Variants in CHRNA4 observed in about 807,000 individuals in gnomAD.
CHRNA4 encodes cholinergic receptor nicotinic alpha 4 subunit.
In CHRNA4, 28 loss-of-function variants were observed where a neutral mutation model predicts 48.9. The observed-to-expected ratio is 0.57, with a 90% CI of 0.42 to 0.79. The LOEUF (loss-of-function observed/expected upper bound fraction) is 0.79. CHRNA4 is among the 30% of genes least tolerant of loss of function. The pLI is 0.00. For synonymous variants in CHRNA4, 425 were observed against 402.3 expected, an observed-to-expected ratio of 1.06 and a Z score of -0.68; for missense variants, 859 against 898.4, an observed-to-expected ratio of 0.96 and a Z score of 0.56.
In CHRNA4 at chr20:63,348,163, G is replaced by A. The variant is rs114713317; in HGVS notation, c.1759-1300C>T. ...CCCCACAAGCCCAGAACCAGGTCAG[G>A]CAGCGGCAGCAATCGGCCCGAGAAG... On this transcript the variant is annotated intron_variant, in intron 5 of 5. Coordinates refer to ENST00000370263, the MANE Select transcript of CHRNA4 (RefSeq NM_000744.7). Among the ~76,000 whole-genome samples the A allele has an allele frequency of 6.1e-3, 922 of 152,320 alleles. 15 individuals are homozygous for A. The highest frequency in any genetic ancestry group is 0.021 in the African/African-American group (892 of 41,566).
chr20:63,351,329 CG>C (rs1568812316), intron 4 of CHRNA4, among the ~76,000 whole-genome samples: 1 of 152,228 alleles, frequency 6.6e-6, no homozygotes, highest in Non-Finnish European at 1.5e-5. Flanking sequence ...GTACACTGTT[CG>C]TCTTCTCACC....
At position 63,346,594 on chromosome 20, in the gene CHRNA4, C is replaced by G. The variant is rs199879109; in HGVS notation, c.*144G>C. 239 of 1,197,274 alleles carry G rather than the reference C, an allele frequency of 2.0e-4. No individual in the cohort carries two copies. The African/African-American group carries it at 2.9e-3, about 15-fold the overall frequency. The allele number at this position is 1,197,274 out of a possible 1,614,324, so 74.2% of individuals were successfully genotyped here. A position where few individuals can be genotyped will look rare whatever the true frequency, so the allele number is the denominator to read the frequency against. On this transcript the variant is annotated 3_prime_UTR_variant, in exon 6 of 6. Coordinates refer to ENST00000370263, the MANE Select transcript of CHRNA4 (RefSeq NM_000744.7). ...CGTGTCCCCGTCCAAGGCCGTCTTACAGCAGACACAGAACAGGAAGGAAAA... is the reference window on the plus strand; with the variant it reads ...CGTGTCCCCGTCCAAGGCCGTCTTAGAGCAGACACAGAACAGGAAGGAAAA...
At chr20:63,359,481 C>A in intron 2 of CHRNA4, 67 bp downstream of exon 2, 1 of 1,602,552 alleles carries the variant, frequency 6.2e-7, no homozygotes. Flanking sequence ...CCTCTGCCCA[C>A]CCAGACCCCT....
In CHRNA4 at chr20:63,361,240, A is replaced by C. The variant is rs781684320; in HGVS notation, c.-75T>G. 2 of 1,430,756 alleles carry C rather than the reference A, an allele frequency of 1.4e-6. No individual in the cohort carries two copies. The highest frequency in any genetic ancestry group is 1.8e-6 in the Non-Finnish European group (2 of 1,095,778). The allele number at this position is 1,430,756 out of a possible 1,614,324, so 88.6% of individuals were successfully genotyped here. A position where few individuals can be genotyped will look rare whatever the true frequency, so the allele number is the denominator to read the frequency against. The stretch of plus-strand genomic sequence containing the variant: ...CCGCTTCGAGGCCCGTGCGCGCCCA[A>C]CTTCATGCCTCCCGCGCCTCGCGGG... On this transcript the variant is annotated 5_prime_UTR_variant, in exon 1 of 6. Transcript: ENST00000370263.
chr20:63,360,676 G>A (rs2068804190), intron 1 of CHRNA4, among the ~76,000 whole-genome samples: 1 of 152,192 alleles, frequency 6.6e-6, no homozygotes, highest in Admixed American at 6.5e-5. Flanking sequence ...AAGGTGGGTG[G>A]CGGCCGCCAA....
In CHRNA4 at chr20:63,361,282, G is replaced by A. The variant is rs1394626080; in HGVS notation, c.-117C>T. The A allele has an allele frequency of 7.3e-7, 1 of 1,369,002 alleles. No homozygotes were observed. The highest frequency in any genetic ancestry group is 9.4e-7 in the Non-Finnish European group (1 of 1,062,192). 84.8% of individuals were successfully genotyped at this position (1,369,002 alleles called of 1,614,324 possible). ...CCTCGCGGGCCGCTTCGGCCGCCGGGCCCGGTTCGTCTTCTCCTGTGGGGC... is the reference window on the plus strand; with the variant it reads ...CCTCGCGGGCCGCTTCGGCCGCCGGACCCGGTTCGTCTTCTCCTGTGGGGC... On this transcript the variant is annotated 5_prime_UTR_variant, in exon 1 of 6. Transcript: ENST00000370263.
Position 63,356,366 on chromosome 20 carries a change from C to G in CHRNA4, c.273+5G>C. 1 of 1,588,204 alleles carries G rather than the reference C, an allele frequency of 6.3e-7. No homozygotes were observed. Among genetic ancestry groups the G allele is most frequent in the Non-Finnish European group, 8.6e-7 (1 of 1,167,574 alleles). Reference sequence around the variant, plus strand: ...GGTGGGGCAGGGCAGTGCCCTCCCACTCACCTGCTTCACCCATACGTTCGT... The same window carrying G: ...GGTGGGGCAGGGCAGTGCCCTCCCAGTCACCTGCTTCACCCATACGTTCGT... On this transcript the variant is annotated splice_donor_5th_base_variant and intron_variant, in intron 3 of 5. Transcript: ENST00000370263.
chr20:63,352,625 A>AC (rs2068632653), intron 4 of CHRNA4, among the ~76,000 whole-genome samples: 1 of 152,020 alleles, frequency 6.6e-6, no homozygotes, highest in African/African-American at 2.4e-5. Context: ...CTCTCCAAAA[A>AC]CCAACGCCCT....
intron 2 of CHRNA4, 44 bp downstream of exon 2, chr20:63,359,504 G>T: frequency 6.2e-7 from 1 of 1,611,256 alleles, no homozygotes; most frequent in South Asian, 1.1e-5. Context: ...GCTCCTTGCA[G>T]GGCGACCTCA....
rs1941468875 is a variant in CHRNA4 at position 63,356,715 on chromosome 20, T to A, written c.229-300A>T. Reference sequence around the variant, plus strand: ...ACAGGTGTGGCGGGCATGGGGAGCCTCCTTCTGCCCACCTGCCTTGCTCCC... The same window carrying A: ...ACAGGTGTGGCGGGCATGGGGAGCCACCTTCTGCCCACCTGCCTTGCTCCC... On this transcript the variant is annotated intron_variant, in intron 2 of 5. Transcript: ENST00000370263. 5.9e-6 allele frequency: 3 copies of A among 512,118 alleles called. No homozygotes were observed. In the Admixed American group the frequency reaches 9.7e-5, roughly 17 times the overall value. The allele number at this position is 512,118 out of a possible 1,614,324, so 31.7% of individuals were successfully genotyped here.
Position 63,344,255 on chromosome 20 carries a change from C to T in CHRNA4, c.*2483G>A, listed in dbSNP as rs201866103. The stretch of plus-strand genomic sequence containing the variant: ...TTCTGACTCCTCGAAGGTCGTGAGC[C>T]GGAGAGGTCAATCCACGGTGCTTAA... On this transcript the variant is annotated 3_prime_UTR_variant, in exon 6 of 6. Coordinates refer to ENST00000370263, the MANE Select transcript of CHRNA4 (RefSeq NM_000744.7). This position sits in a 1 kb window ranked among gnomAD's most constrained non-coding sequence, Gnocchi z 4.5. 1.5e-4 allele frequency: 69 copies of T among 453,692 alleles called. No individual in the cohort carries two copies. Among genetic ancestry groups the T allele is most frequent in the Middle Eastern group, 6.8e-4 (1 of 1,466 alleles). The allele number at this position is 453,692 out of a possible 1,614,324, so 28.1% of individuals were successfully genotyped here. A position where few individuals can be genotyped will look rare whatever the true frequency, so the allele number is the denominator to read the frequency against.
At position 63,350,486 on chromosome 20, in the gene CHRNA4, A is replaced by G; in HGVS notation, c.925T>C (p.Tyr309His). The G allele has an allele frequency of 1.2e-6, 2 of 1,613,166 alleles. No homozygotes were observed. Among genetic ancestry groups the G allele is most frequent in the Non-Finnish European group, 1.7e-6 (2 of 1,179,906 alleles). ...ACGAAGATCATGGTGAACAGCAGGT[A>G]CTCGCCGATGAGTGGGATGACCAGT... is the stretch of plus-strand genomic sequence containing the variant. ...TSLVIPLIGE[Y>H]LLFTMIFVTL... Residue 309 changes from tyrosine (Y) to histidine (H), a missense_variant, in exon 5 of 6, where the codon TAC (tyrosine) becomes CAC (histidine). Tyr to His is a moderately conservative substitution (Grantham distance 83). Around this residue, in one of 3 missense-constraint regions of CHRNA4, gnomAD observed 39 missense variants for 77.7 expected, o/e 0.50. Coordinates refer to ENST00000370263, the MANE Select transcript of CHRNA4 (RefSeq NM_000744.7).
rs555123834 is a variant in CHRNA4 at position 63,343,340 on chromosome 20, G to A, written c.*3398C>T. The A allele has an allele frequency of 2.7e-5, 12 of 451,746 alleles. No homozygotes were observed. Among genetic ancestry groups the A allele is most frequent in the East Asian group, 7.0e-5 (1 of 14,294 alleles). The allele number at this position is 451,746 out of a possible 1,614,324, so 28.0% of individuals were successfully genotyped here. A position where few individuals can be genotyped will look rare whatever the true frequency, so the allele number is the denominator to read the frequency against. ...CGCACCTGGGCTCGGCGGGCCACAC[G>A]GTCGGCGGGGCTTGGTCCATGGGGC... On this transcript the variant is annotated 3_prime_UTR_variant, in exon 6 of 6. Coordinates refer to ENST00000370263, the MANE Select transcript of CHRNA4 (RefSeq NM_000744.7).
At chr20:63,360,770 G>T (rs527949987) in intron 1 of CHRNA4, among the ~76,000 whole-genome samples, 1 of 152,348 alleles carries the variant, frequency 6.6e-6, no homozygotes, top group South Asian at 2.1e-4. Flanking sequence ...ATGGATGGGG[G>T]AAGGGCGAAG....
chr20:63,353,601 TAGGGGGCTGTGGTCCTAG>T (rs1258946669), intron 4 of CHRNA4, among the ~76,000 whole-genome samples: 242 of 73,254 alleles, frequency 3.3e-3, no homozygotes, highest in Non-Finnish European at 5.1e-3. Context: ...ACTGCAGTCC[TAGGGGGCTGTGGTCCTAG>T]AGGGGGCTGT....
At chr20:63,348,034 TG>T (rs947120541) in intron 5 of CHRNA4, among the ~76,000 whole-genome samples, 1 of 152,238 alleles carries the variant, frequency 6.6e-6, no homozygotes, top group Non-Finnish European at 1.5e-5. Flanking sequence ...TTTAGTTCCC[TG>T]GGTTCTGTGT....
rs773450609 is a variant in CHRNA4 at position 63,349,991 on chromosome 20, G to A, written c.1420C>T (p.Pro474Ser). The change falls in exon 5 of 6, where the codon CCT becomes TCT. Residue 474 changes from proline to serine, a missense_variant. Pro to Ser is a moderately conservative substitution (Grantham distance 74). This residue lies in a region of CHRNA4 where 478 missense variants were observed against 455.4 expected (regional missense o/e 1.05). Coordinates refer to ENST00000370263, the MANE Select transcript of CHRNA4 (RefSeq NM_000744.7). ...ACGCCGCCTTCCACCGCTTCGCCAG[G>A]GCTGGACATGTGCTGGACGCTGAGG... ...RSLSVQHMSS[P>S]GEAVEGGVRC... 1.3e-6 allele frequency: 2 copies of A among 1,550,282 alleles called. No individual in the cohort carries two copies. Among genetic ancestry groups the A allele is most frequent in the Admixed American group, 3.8e-5 (2 of 51,984 alleles).
rs201918931 is a variant in CHRNA4 at position 63,345,473 on chromosome 20, G to A, written c.*1265C>T. On this transcript the variant is annotated 3_prime_UTR_variant, in exon 6 of 6. Coordinates refer to ENST00000370263, the MANE Select transcript of CHRNA4 (RefSeq NM_000744.7). This position sits in a 1 kb window ranked among gnomAD's most constrained non-coding sequence, Gnocchi z 5.4. ...GGGACACTGGGGGGCTGCCGGGTGC[G>A]CCATCTTTAGGGGGTGCACTGCCGG... is the stretch of plus-strand genomic sequence containing the variant. 14 of 383,494 alleles carry A rather than the reference G, an allele frequency of 3.7e-5. No homozygotes were observed. Among genetic ancestry groups the A allele is most frequent in the East Asian group, 1.5e-4 (2 of 13,542 alleles). 23.8% of individuals were successfully genotyped at this position (383,494 alleles called of 1,614,324 possible). A position where few individuals can be genotyped will look rare whatever the true frequency, so the allele number is the denominator to read the frequency against.
chr20:63,361,141 G>A lies in CHRNA4; in HGVS notation c.25C>T (p.Pro9Ser). Residue 9 changes from proline to serine, a missense_variant, in exon 1 of 6, where the codon CCG (proline) becomes TCG (serine). By Grantham distance (74) the Pro-to-Ser change is moderately conservative. Coordinates refer to ENST00000370263, the MANE Select transcript of CHRNA4 (RefSeq NM_000744.7). MELGGPGA[P>S]RLLPPLLLLL... is the part of the protein sequence containing the mutation. The stretch of plus-strand genomic sequence containing the variant: ...AGCAGCAGCGGCGGCAGCAGCCGCG[G>A]CGCTCCGGGGCCCCCTAGCTCCATG... 4 of 1,477,586 alleles carry A rather than the reference G, an allele frequency of 2.7e-6. No homozygotes were observed. Among genetic ancestry groups the A allele is most frequent in the Non-Finnish European group, 3.6e-6 (4 of 1,120,112 alleles). 91.5% of individuals were successfully genotyped at this position (1,477,586 alleles called of 1,614,324 possible).
Sources: gnomAD v4.1 joint callset for allele counts (sites outside exome capture counted in the v4.1 genomes callset) on GRCh38, gnomAD v4.1.1 for gene constraint, gnomAD v4.1.1 regional missense constraint, Gnocchi (gnomAD v3.1) non-coding constraint, MANE v1.5 for transcripts, NCBI Gene and HGNC (gene_info 2026-07-23, HGNC 2026-07-21) for gene names.